The following RTRAF variants were observed in gnomAD, a reference collection of about 807,000 sequenced individuals.
RTRAF encodes tRNA-splicing ligase complex subunit RTRAF.
In RTRAF, 14 loss-of-function variants were observed where a neutral mutation model predicts 34.4. The observed-to-expected ratio is 0.41, with a 90% CI of 0.27 to 0.64. RTRAF has a LOEUF of 0.64. RTRAF is among the 30% of genes least tolerant of loss of function. RTRAF has a pLI of 0.34. For missense variants in RTRAF, 291 were observed against 288.4 expected (o/e 1.01, Z -0.06); for synonymous variants, 96 against 95.3 (o/e 1.01, Z -0.04).
At chr14:52,000,157 A>G (rs1314537583) in intron 5 of RTRAF, among the ~76,000 whole-genome samples, 1 of 152,148 alleles carries the variant, frequency 6.6e-6, no homozygotes, top group Admixed American at 6.5e-5. Flanking sequence ...CCTGTGGTCC[A>G]TTGTTTTTCC....
At chr14:52,000,559 T>TTTGTGATAAATATC (rs1487198460) in intron 5 of RTRAF, among the ~76,000 whole-genome samples, 4 of 152,312 alleles carry the variant, frequency 2.6e-5, no homozygotes, top group African/African-American at 9.6e-5. Context: ...AATATCACTC[T>TTTGTGATAAATATC]ACCCAGAAGA....
rs1269491986 is a variant in RTRAF at position 52,008,745 on chromosome 14, GCTTCGATACAAACTATGGAA to G, written c.*4233_*4252del. ...GAAACAAATACAGCTGTTAGGAATG[GCTTCGATACAAACTATGGAA>G]CTTGAAGAGATGTGGACCAGGGATT... On this transcript the variant is annotated 3_prime_UTR_variant, in exon 8 of 8. Coordinates refer to ENST00000261700, the MANE Select transcript of RTRAF (RefSeq NM_016039.3). 6 of 152,176 alleles carry G rather than the reference GCTTCGATACAAACTATGGAA, an allele frequency of 3.9e-5. No individual in the cohort carries two copies. Among genetic ancestry groups the G allele is most frequent in the Non-Finnish European group, 8.8e-5 (6 of 68,038 alleles). 9.4% of individuals were successfully genotyped at this position (152,176 alleles called of 1,614,324 possible).
intron 6 of RTRAF, among the ~76,000 whole-genome samples, chr14:52,003,478 G>T (rs551809050): frequency 6.6e-6 from 1 of 152,120 alleles, no homozygotes; most frequent in African/African-American, 2.4e-5. Flanking sequence ...ATAGTAACAG[G>T]TTGTAACATT....
At chr14:52,003,150 C>A (rs1347934102) in intron 6 of RTRAF, among the ~76,000 whole-genome samples, 1 of 152,098 alleles carries the variant, frequency 6.6e-6, no homozygotes, top group African/African-American at 2.4e-5. Flanking sequence ...TCAAAAGATA[C>A]CAGCCTATAA....
rs1431666059 is a variant in RTRAF, at chr14:52,005,606, T to C, written c.*1090T>C. Reference sequence around the variant, plus strand: ...TATAAACTAGGTAGATTTAAGGTAGTAAAGACTGGCCCTCAGGGCAGGAAG... The same window carrying C: ...TATAAACTAGGTAGATTTAAGGTAGCAAAGACTGGCCCTCAGGGCAGGAAG... On this transcript the variant is annotated 3_prime_UTR_variant, in exon 8 of 8. Coordinates refer to ENST00000261700, the MANE Select transcript of RTRAF (RefSeq NM_016039.3). 11 of 1,460,860 alleles carry C rather than the reference T, an allele frequency of 7.5e-6. No individual in the cohort carries two copies. In the East Asian group the frequency reaches 1.6e-4, roughly 21 times the overall value. 90.5% of individuals were successfully genotyped at this position (1,460,860 alleles called of 1,614,324 possible). A position where few individuals can be genotyped will look rare whatever the true frequency, so the allele number is the denominator to read the frequency against.
At position 52,008,046 on chromosome 14, in the gene RTRAF, C is replaced by A; in HGVS notation, c.*3530C>A. ...CAGCATCTAAGCAGCCCCCAGTGATCTCCATCTCCTCATGTATTATAGCCT... is the reference window on the plus strand; with the variant it reads ...CAGCATCTAAGCAGCCCCCAGTGATATCCATCTCCTCATGTATTATAGCCT... On this transcript the variant is annotated 3_prime_UTR_variant, in exon 8 of 8. Transcript: ENST00000261700. The A allele has an allele frequency of 8.8e-7, 1 of 1,133,174 alleles. No individual in the cohort carries two copies. Among genetic ancestry groups the A allele is most frequent in the Non-Finnish European group, 1.3e-6 (1 of 788,864 alleles). The allele number at this position is 1,133,174 out of a possible 1,614,324, so 70.2% of individuals were successfully genotyped here.
rs200958243 is a variant in RTRAF at position 51,993,743 on chromosome 14, T to C, written c.207T>C (p.Cys69=). ...CACAGTATCTCAGAGATGTTAACTG[T>C]CCTTTCAAGATTCAAGATCGACAAG... ...FFEKYLRDVN[C]PFKIQDRQEA... The change falls in exon 3 of 8, where the codon TGT becomes TGC. Residue 69 remains cysteine, a synonymous_variant. Coordinates refer to ENST00000261700, the MANE Select transcript of RTRAF (RefSeq NM_016039.3). 1 of 1,601,430 alleles carries C rather than the reference T, an allele frequency of 6.2e-7. No homozygotes were observed. The highest frequency in any genetic ancestry group is 1.1e-5 in the South Asian group (1 of 89,152).
intron 3 of RTRAF, 47 bp downstream of exon 3, chr14:51,993,869 G>GA (rs1890475331): frequency 8.6e-7 from 1 of 1,159,158 alleles, no homozygotes. Context: ...GGAAAGATGG[G>GA]AAAGGGAGTG....
intron 3 of RTRAF, chr14:51,998,193 T>C (rs538250603): frequency 9.9e-6 from 2 of 201,540 alleles, no homozygotes; most frequent in South Asian, 2.9e-4. Context: ...ACAAACTTTA[T>C]TTCATGCACA....
At position 52,006,742 on chromosome 14, in the gene RTRAF, T is replaced by C; in HGVS notation, c.*2226T>C. 4.2e-6 allele frequency: 6 copies of C among 1,441,818 alleles called. No individual in the cohort carries two copies. The highest frequency in any genetic ancestry group is 1.4e-5 in the African/African-American group (1 of 71,146). 89.3% of individuals were successfully genotyped at this position (1,441,818 alleles called of 1,614,324 possible). A position where few individuals can be genotyped will look rare whatever the true frequency, so the allele number is the denominator to read the frequency against. On this transcript the variant is annotated 3_prime_UTR_variant, in exon 8 of 8. Coordinates refer to ENST00000261700, the MANE Select transcript of RTRAF (RefSeq NM_016039.3). Reference sequence around the variant, plus strand: ...TGACATAGTGATAGTGACACAGTGATAGAATGGGGAAATAGGATATTTTAC... The same window carrying C: ...TGACATAGTGATAGTGACACAGTGACAGAATGGGGAAATAGGATATTTTAC...
rs1265199051 is a variant in RTRAF, at chr14:52,009,146, C to T, written c.*4630C>T. The T allele has an allele frequency of 6.6e-6, 1 of 152,198 alleles. No individual in the cohort carries two copies. Among genetic ancestry groups the T allele is most frequent in the Non-Finnish European group, 1.5e-5 (1 of 68,048 alleles). The allele number at this position is 152,198 out of a possible 1,614,324, so 9.4% of individuals were successfully genotyped here. A position where few individuals can be genotyped will look rare whatever the true frequency, so the allele number is the denominator to read the frequency against. Reference sequence around the variant, plus strand: ...GTTTCCCCTGTTGCGAATTTCATCCCTTATGCCCAACAGATGAAGCAGAGA... The same window carrying T: ...GTTTCCCCTGTTGCGAATTTCATCCTTTATGCCCAACAGATGAAGCAGAGA... On this transcript the variant is annotated 3_prime_UTR_variant, in exon 8 of 8. Transcript: ENST00000261700.
Position 51,991,317 on chromosome 14 carries a change from A to G in RTRAF, c.62A>G (p.Asp21Gly), listed in dbSNP as rs183965924. The change falls in exon 2 of 8, where the codon GAT becomes GGT. Residue 21 changes from aspartate (D) to glycine (G), a missense_variant and splice_region_variant. Transcript: ENST00000261700. ...YHNPAGFNCK[D>G]ETEFRNFIVW... Reference sequence around the variant, plus strand: ...ATTTATGTGATATTTTTTATTGCAGATGAAACAGAATTTAGAAACTTCATC... The same window carrying G: ...ATTTATGTGATATTTTTTATTGCAGGTGAAACAGAATTTAGAAACTTCATC... The G allele has an allele frequency of 2.8e-5, 45 of 1,612,864 alleles. No individual in the cohort carries two copies. The East Asian group carries it at 7.6e-4, about 27-fold the overall frequency.
chr14:52,002,085 C>T (rs924960073), intron 6 of RTRAF, among the ~76,000 whole-genome samples: 5 of 152,098 alleles, frequency 3.3e-5, no homozygotes, highest in African/African-American at 7.2e-5. Flanking sequence ...TCACTTTGTA[C>T]CTTAAAAAAG....
At position 52,007,767 on chromosome 14, in the gene RTRAF, T is replaced by A. The variant is rs368501566; in HGVS notation, c.*3251T>A. 2.6e-6 allele frequency: 4 copies of A among 1,530,056 alleles called. No homozygotes were observed. Among genetic ancestry groups the A allele is most frequent in the South Asian group, 1.2e-5 (1 of 86,588 alleles). 94.8% of individuals were successfully genotyped at this position (1,530,056 alleles called of 1,614,324 possible). ...AAAATCTGTTAGTGCTCACATTCACTGTGATGAGAGGTTATCTATTTGCAT... is the reference window on the plus strand; with the variant it reads ...AAAATCTGTTAGTGCTCACATTCACAGTGATGAGAGGTTATCTATTTGCAT... On this transcript the variant is annotated 3_prime_UTR_variant, in exon 8 of 8. Transcript: ENST00000261700.
At position 52,006,750 on chromosome 14, in the gene RTRAF, G is replaced by T. The variant is rs576513088; in HGVS notation, c.*2234G>T. 7.2e-7 allele frequency: 1 copy of T among 1,381,864 alleles called. No individual in the cohort carries two copies. The highest frequency in any genetic ancestry group is 1.0e-6 in the Non-Finnish European group (1 of 991,170). The allele number at this position is 1,381,864 out of a possible 1,614,324, so 85.6% of individuals were successfully genotyped here. A position where few individuals can be genotyped will look rare whatever the true frequency, so the allele number is the denominator to read the frequency against. On this transcript the variant is annotated 3_prime_UTR_variant, in exon 8 of 8. Transcript: ENST00000261700. ...TGATAGTGACACAGTGATAGAATGG[G>T]GAAATAGGATATTTTACTTCCATTA... is the stretch of plus-strand genomic sequence containing the variant.
Position 51,989,550 on chromosome 14 carries a change from C to G in RTRAF, c.-90C>G. ...GCGACTCAGCGCCTGCCCGCCCTCT[C>G]GCCGCGTCGCCGGTGCCTGCGCCTC... is the stretch of plus-strand genomic sequence containing the variant. On this transcript the variant is annotated 5_prime_UTR_variant, in exon 1 of 8. Transcript: ENST00000261700. The G allele has an allele frequency of 3.6e-6, 5 of 1,402,074 alleles. No homozygotes were observed. The highest frequency in any genetic ancestry group is 1.5e-5 in the African/African-American group (1 of 67,996). The allele number at this position is 1,402,074 out of a possible 1,614,324, so 86.9% of individuals were successfully genotyped here. A position where few individuals can be genotyped will look rare whatever the true frequency, so the allele number is the denominator to read the frequency against.
intron 4 of RTRAF, 127 bp from the exon 5 acceptor site, chr14:51,999,581 G>T (rs1594987117): frequency 1.7e-6 from 1 of 577,296 alleles, no homozygotes; most frequent in Non-Finnish European, 3.0e-6. Context: ...CTTGTGAGTA[G>T]CAGTTTTAAA....
At chr14:52,000,103 G>C (rs571964187) in intron 5 of RTRAF, among the ~76,000 whole-genome samples, 1 of 152,052 alleles carries the variant, frequency 6.6e-6, no homozygotes, top group Non-Finnish European at 1.5e-5. Flanking sequence ...TAATGTCTAA[G>C]ATGACACAGA....
At chr14:52,001,504 T>A (rs1172776610) in intron 5 of RTRAF, among the ~76,000 whole-genome samples, 1 of 152,200 alleles carries the variant, frequency 6.6e-6, no homozygotes, top group Non-Finnish European at 1.5e-5. Flanking sequence ...GACCTACTTT[T>A]TACCATGTGT....
Sources: gnomAD v4.1 joint callset for allele counts (sites outside exome capture counted in the v4.1 genomes callset) on GRCh38, gnomAD v4.1.1 for gene constraint, MANE v1.5 for transcripts, NCBI Gene and HGNC (gene_info 2026-07-23, HGNC 2026-07-21) for gene names.